GK: variants seen among roughly 807,000 people sequenced by gnomAD.
The protein encoded by GK is glycerol kinase.
In GK, 9 loss-of-function variants were observed where a neutral mutation model predicts 56.4. The observed-to-expected ratio is 0.16, with a 90% confidence interval of 0.10 to 0.28. GK has a LOEUF of 0.28. Ranked by LOEUF, GK falls within the 10% of genes least tolerant of loss-of-function variation. GK has a pLI of 1.00. For missense variants in GK, 161 were observed against 431.4 expected (o/e 0.37, Z 5.55); for synonymous variants, 104 against 144.1 (o/e 0.72, Z 1.99).
intron 1 of GK, among the ~76,000 whole-genome samples, chrX:30,657,423 G>A (rs1423376269): frequency 8.9e-6 from 1 of 112,276 alleles, no homozygotes; most frequent in African/African-American, 3.2e-5. Flanking sequence ...GAGAATTAGT[G>A]TAACAGGTTT....
chrX:30,701,813 C>A (rs1313566620), intron 11 of GK, among the ~76,000 whole-genome samples: 1 of 111,457 alleles, frequency 9.0e-6, no homozygotes, highest in Non-Finnish European at 1.9e-5. Flanking sequence ...GAATCTGGAA[C>A]AAGCCCCATA....
At chrX:30,693,235 C>T (rs929803457) in intron 5 of GK, among the ~76,000 whole-genome samples, 3 of 109,251 alleles carry the variant, frequency 2.7e-5, no homozygotes, top group African/African-American at 1.0e-4. Flanking sequence ...CCAGGATGGT[C>T]TCCATCTCCT....
chrX:30,720,269 C>G (rs1936834190), intron 16 of GK, among the ~76,000 whole-genome samples, 174 bp downstream of exon 16: 1 of 112,018 alleles, frequency 8.9e-6, no homozygotes, highest in Non-Finnish European at 1.9e-5. Flanking sequence ...GCTGTCATTA[C>G]CTTCTAAGTT....
intron 5 of GK, among the ~76,000 whole-genome samples, chrX:30,693,583 C>G (rs1935091920): frequency 9.0e-6 from 1 of 111,263 alleles, no homozygotes; most frequent in Admixed American, 9.6e-5. Context: ...GAGTCTCGCT[C>G]TGTCATCCAG....
intron 1 of GK, among the ~76,000 whole-genome samples, chrX:30,655,349 C>A (rs1421484230): frequency 8.9e-6 from 1 of 111,747 alleles, no homozygotes; most frequent in Non-Finnish European, 1.9e-5. Context: ...ATGTTTAAAG[C>A]CATATTCAAG....
chrX:30,700,506 C>T, intron 10 of GK, 57 bp downstream of exon 10: 1 of 956,228 alleles, frequency 1.0e-6, no homozygotes, highest in Non-Finnish European at 1.5e-6. Context: ...TTATGGCTTT[C>T]CTCCTCTTAG....
intron 11 of GK, among the ~76,000 whole-genome samples, chrX:30,706,066 G>A (rs769854999): frequency 1.8e-5 from 2 of 111,666 alleles, no homozygotes; most frequent in South Asian, 3.8e-4. Flanking sequence ...GCAATAAAAC[G>A]GTATAGTGAT....
At chrX:30,712,705 CT>C (rs1451028128) in intron 13 of GK, among the ~76,000 whole-genome samples, 2 of 70,615 alleles carry the variant, frequency 2.8e-5, no homozygotes, top group African/African-American at 1.1e-4. Context: ...TGTTGGATTT[CT>C]TTTTTCTTTT....
intron 9 of GK, among the ~76,000 whole-genome samples, chrX:30,699,046 A>C (rs1463282499): frequency 9.5e-6 from 1 of 105,379 alleles, no homozygotes; most frequent in Non-Finnish European, 1.9e-5. Context: ...TCTTGCCCTC[A>C]CTTTAACAGA....
chrX:30,691,401 C>T (rs1212990776), intron 5 of GK, among the ~76,000 whole-genome samples: 1 of 105,115 alleles, frequency 9.5e-6, no homozygotes, highest in African/African-American at 3.5e-5. Context: ...AATAATAACA[C>T]AAAATTGACA....
Position 30,707,559 on chromosome X carries a change from T to G in GK, c.855T>G (p.Tyr285Ter). Residue 285 changes from tyrosine to a stop codon, truncating the protein, a stop_gained, in exon 12 of 21, where the codon TAT (tyrosine) becomes TAG (stop). Coordinates refer to ENST00000427190, the MANE Select transcript of GK (RefSeq NM_001205019.2). LOFTEE classifies it high-confidence loss of function. ...CFQIGQAKNT[Y>*]GTGCFLLCNT... ...TTCATTCTCCCTTCAACCATAGGTA[T>G]GGAACAGGATGTTTCTTACTATGTA... The G allele has an allele frequency of 9.0e-7, 1 of 1,105,718 alleles. No homozygotes were observed. Among genetic ancestry groups the G allele is most frequent in the South Asian group, 1.9e-5 (1 of 53,644 alleles). The allele number at this position is 1,105,718 out of a possible 1,213,427, so 91.1% of individuals were successfully genotyped here. A position where few individuals can be genotyped will look rare whatever the true frequency, so the allele number is the denominator to read the frequency against.
At chrX:30,715,507 A>G (rs1475487607) in intron 13 of GK, among the ~76,000 whole-genome samples, 1 of 112,225 alleles carries the variant, frequency 8.9e-6, no homozygotes, top group East Asian at 2.8e-4. Flanking sequence ...CATAACCTAG[A>G]ACAAGGGCTG....
intron 4 of GK, chrX:30,678,214 T>G: frequency 5.0e-6 from 2 of 402,400 alleles, no homozygotes; most frequent in Non-Finnish European, 8.7e-6. Flanking sequence ...AGCTGCTTCT[T>G]CTACAAATGT....
At chrX:30,684,203 C>G (rs1463451282) in intron 4 of GK, among the ~76,000 whole-genome samples, 2 of 111,994 alleles carry the variant, frequency 1.8e-5, no homozygotes, top group Non-Finnish European at 3.8e-5. Context: ...ACTGATGCTA[C>G]CAGGGAAATG....
chrX:30,661,063 C>T (rs1478297156), intron 1 of GK, among the ~76,000 whole-genome samples: 5 of 110,301 alleles, frequency 4.5e-5, no homozygotes, highest in East Asian at 5.7e-4. Flanking sequence ...CCGCCCACCT[C>T]GGCCTCCCAA....
At chrX:30,692,080 G>GT (rs926093741) in intron 5 of GK, among the ~76,000 whole-genome samples, 21 of 65,171 alleles carry the variant, frequency 3.2e-4, no homozygotes, top group African/African-American at 8.3e-4. Context: ...TTCTGTTTTT[G>GT]TTTTTTGTGT....
chrX:30,689,617 C>T (rs1934820992), intron 4 of GK: 1 of 327,087 alleles, frequency 3.1e-6, no homozygotes, highest in Non-Finnish European at 5.9e-6. Context: ...GCCCAAGCCA[C>T]ACACTGCCAA....
chrX:30,688,563 A>G (rs1934752588), intron 4 of GK, among the ~76,000 whole-genome samples: 1 of 108,256 alleles, frequency 9.2e-6, no homozygotes, highest in South Asian at 4.1e-4. Context: ...ATGTTTTAGT[A>G]TTATACTGAA....
intron 15 of GK, 92 bp downstream of exon 15, chrX:30,719,607 A>C: frequency 1.9e-6 from 1 of 535,673 alleles, no homozygotes; most frequent in Middle Eastern, 4.0e-4. Context: ...ATTTTCAAAT[A>C]ATTATAATGT....
Sources: allele counts gnomAD v4.1 joint callset (sites outside exome capture counted in the v4.1 genomes callset), GRCh38; gene constraint gnomAD v4.1.1; transcripts MANE v1.5; gene names NCBI Gene and HGNC (gene_info 2026-07-23, HGNC 2026-07-21).